Variants in DHRSX observed in about 807,000 individuals in gnomAD.
DHRSX encodes polyprenol dehydrogenase.
DHRSX carries 31 observed loss-of-function variants against 34.0 expected under a neutral mutation model. The observed-to-expected ratio is 0.91, with a 90% CI of 0.69 to 1.23. The LOEUF is 1.23. DHRSX is among the 50% of genes most tolerant of loss of function. The pLI is 0.00. For synonymous variants in DHRSX, 201 were observed against 183.8 expected, an observed-to-expected ratio of 1.09 and a Z score of -0.76; for missense variants, 414 against 428.1, an observed-to-expected ratio of 0.97 and a Z score of 0.29.
At chrX:2,242,902 C>A (rs2016173418) in intron 6 of DHRSX, 121 bp downstream of exon 6, 2 of 921,600 alleles carry the variant, frequency 2.2e-6, no homozygotes, top group South Asian at 1.6e-5. Context: ...CACCACTGAG[C>A]CGTCCTGAAT....
At chrX:2,455,075 G>A (rs1373819367) in intron 1 of DHRSX, among the ~76,000 whole-genome samples, 1 of 148,288 alleles carries the variant, frequency 6.7e-6, no homozygotes, top group Non-Finnish European at 1.5e-5. Context: ...TCACACAATT[G>A]AACTCCAGCC....
In DHRSX at chrX:2,220,380, C is replaced by A. The variant is rs1258301352; in HGVS notation, c.*661G>T. 2.0e-5 allele frequency: 3 copies of A among 152,152 alleles called. No homozygotes were observed. In the East Asian group the frequency reaches 5.8e-4, roughly 29 times the overall value. 9.4% of individuals were successfully genotyped at this position (152,152 alleles called of 1,614,324 possible). On this transcript the variant is annotated 3_prime_UTR_variant, in exon 7 of 7. Coordinates refer to ENST00000334651, the MANE Select transcript of DHRSX (RefSeq NM_145177.3). ...CCAAATAAAGTAATATTTATAGGTT[C>A]TGAGGGTTAGGGCATGAACATATCT...
intron 1 of DHRSX, among the ~76,000 whole-genome samples, chrX:2,437,954 A>C (rs1229774961): frequency 6.6e-6 from 1 of 152,016 alleles, no homozygotes; most frequent in Non-Finnish European, 1.5e-5. Context: ...AGCGAACCTC[A>C]GATGAAGCAC....
intron 5 of DHRSX, among the ~76,000 whole-genome samples, chrX:2,247,542 T>C (rs2016326588): frequency 6.6e-6 from 1 of 150,538 alleles, no homozygotes; most frequent in Non-Finnish European, 1.5e-5. Context: ...TAGTCCCAGC[T>C]ACTCGGGAAG....
intron 3 of DHRSX, among the ~76,000 whole-genome samples, chrX:2,345,361 G>A (rs981215601): frequency 6.6e-6 from 1 of 151,278 alleles, no homozygotes; most frequent in Non-Finnish European, 1.5e-5. Context: ...CAAAAGACTG[G>A]GCTGGGTGCA....
intron 1 of DHRSX, among the ~76,000 whole-genome samples, chrX:2,462,733 T>G (rs188754787): frequency 6.6e-5 from 10 of 152,232 alleles, no homozygotes; most frequent in Admixed American, 6.5e-4. Context: ...CCACGTGTAT[T>G]TTACAGCACT....
chrX:2,329,618 A>G (rs1057432915), intron 3 of DHRSX, among the ~76,000 whole-genome samples: 3 of 152,162 alleles, frequency 2.0e-5, no homozygotes, highest in Non-Finnish European at 4.4e-5. Context: ...ATGGTCCCTC[A>G]TGGCTACTGT....
intron 5 of DHRSX, among the ~76,000 whole-genome samples, chrX:2,249,671 C>A (rs931820833): frequency 1.3e-5 from 2 of 151,314 alleles, no homozygotes; most frequent in Middle Eastern, 3.2e-3. Flanking sequence ...CTACAGGCGC[C>A]TACCATCACG....
chrX:2,330,658 A>G (rs2042458166), intron 3 of DHRSX, among the ~76,000 whole-genome samples: 1 of 133,454 alleles, frequency 7.5e-6, no homozygotes, highest in African/African-American at 3.5e-5. Context: ...AAAGAAGATG[A>G]AGGAGAAGAA....
At chrX:2,380,253 A>G (rs2043187455) in intron 3 of DHRSX, among the ~76,000 whole-genome samples, 1 of 140,308 alleles carries the variant, frequency 7.1e-6, no homozygotes. Flanking sequence ...GTGAGCTGAG[A>G]TCATGCCACT....
At chrX:2,408,087 T>C (rs1475943771) in intron 3 of DHRSX, among the ~76,000 whole-genome samples, 1 of 151,886 alleles carries the variant, frequency 6.6e-6, no homozygotes, top group Non-Finnish European at 1.5e-5. Context: ...AGGGCAAGCA[T>C]ATTCCTGTTT....
At chrX:2,382,621 C>CAT (rs2043218167) in intron 3 of DHRSX, among the ~76,000 whole-genome samples, 7 of 9,136 alleles carry the variant, frequency 7.7e-4, no homozygotes, top group African/African-American at 3.7e-3. Context: ...ATCATCACCA[C>CAT]CATCATCACC....
At chrX:2,491,082 T>TG in intron 1 of DHRSX, among the ~76,000 whole-genome samples, 1 of 150,308 alleles carries the variant, frequency 6.7e-6, no homozygotes, top group South Asian at 2.1e-4. Flanking sequence ...TTTTTTTTTT[T>TG]TTTTTGAGAC....
At chrX:2,436,128 G>C (rs1280634153) in intron 1 of DHRSX, among the ~76,000 whole-genome samples, 1 of 151,450 alleles carries the variant, frequency 6.6e-6, no homozygotes, top group African/African-American at 2.4e-5. Flanking sequence ...GGGAGGCAGA[G>C]GTAGCAGTGA....
In DHRSX at chrX:2,313,006, A is replaced by ATAT. The variant is rs1556465705; in HGVS notation, c.287-21404_287-21403insATA. On this transcript the variant is annotated intron_variant, in intron 3 of 6. Coordinates refer to ENST00000334651, the MANE Select transcript of DHRSX (RefSeq NM_145177.3). ...CCTCGGGCCCAGCTTCAAGATATAT[A>ATAT]TTTTTTTTTTTTTGAGATGGAGTTT... Among the ~76,000 whole-genome samples, 620 of 144,242 alleles carry ATAT rather than the reference A, an allele frequency of 4.3e-3. 7 individuals are homozygous for ATAT. The highest frequency in any genetic ancestry group is 0.016 in the African/African-American group (600 of 37,992). 94.6% of individuals were successfully genotyped at this position (144,242 alleles called of 152,430 possible). A position where few individuals can be genotyped will look rare whatever the true frequency, so the allele number is the denominator to read the frequency against.
At chrX:2,425,362 G>A in intron 1 of DHRSX, 58 bp from the exon 2 acceptor site, 1 of 1,476,066 alleles carries the variant, frequency 6.8e-7, no homozygotes, top group Non-Finnish European at 9.5e-7. Context: ...GCACATATTT[G>A]TAAGAATTAA....
At chrX:2,323,461 C>A (rs1254290395) in intron 3 of DHRSX, among the ~76,000 whole-genome samples, 1 of 151,994 alleles carries the variant, frequency 6.6e-6, no homozygotes, top group African/African-American at 2.4e-5. Context: ...ACTATGAACC[C>A]CAGAATAGAT....
At chrX:2,461,542 T>C (rs1450250686) in intron 1 of DHRSX, among the ~76,000 whole-genome samples, 3 of 152,070 alleles carry the variant, frequency 2.0e-5, no homozygotes, top group Non-Finnish European at 4.4e-5. Context: ...ATCATGAACT[T>C]ATTTATTTAT....
At chrX:2,300,299 C>T (rs1054523930) in intron 3 of DHRSX, among the ~76,000 whole-genome samples, 1 of 152,142 alleles carries the variant, frequency 6.6e-6, no homozygotes, top group African/African-American at 2.4e-5. Context: ...TATTTGCAGA[C>T]AGGGCCTGTA....
Sources: gnomAD v4.1 joint callset for allele counts (sites outside exome capture counted in the v4.1 genomes callset) on GRCh38, gnomAD v4.1.1 for gene constraint, MANE v1.5 for transcripts, NCBI Gene and HGNC (gene_info 2026-07-23, HGNC 2026-07-21) for gene names.